Variants in TCF7 observed in about 807,000 individuals in gnomAD.
TCF7 encodes the protein transcription factor 7, also known as T-cell-factor-7.
A neutral mutation model predicts 46.8 loss-of-function variants in TCF7; 19 were observed. The observed-to-expected ratio is 0.41, with a 90% CI of 0.28 to 0.60. TCF7 has a LOEUF of 0.60. TCF7 is among the 20% of genes least tolerant of loss of function. The pLI is 0.35. For synonymous variants in TCF7, 245 were observed against 213.4 expected, an observed-to-expected ratio of 1.15 and a Z score of -1.29; for missense variants, 547 against 504.6, an observed-to-expected ratio of 1.08 and a Z score of -0.81.
chr5:134,142,013 T>C (rs1580890516), intron 5 of TCF7, 172 bp from the exon 6 acceptor site: 2 of 841,178 alleles, frequency 2.4e-6, no homozygotes, highest in East Asian at 2.7e-5. Context: ...TGTAGTGTGC[T>C]GGGAGCAGGT....
the TCF7 span, among the ~76,000 whole-genome samples, chr5:134,109,324 A>C: frequency 6.6e-6 from 1 of 152,056 alleles, no homozygotes; most frequent in Non-Finnish European, 1.5e-5. Context: ...GCCACATAGG[A>C]TTTAGTGCAG....
chr5:134,139,207 G>A, intron 5 of TCF7, 169 bp downstream of exon 5: 1 of 1,044,692 alleles, frequency 9.6e-7, no homozygotes, highest in Non-Finnish European at 1.3e-6. Context: ...TGAGCTAGGG[G>A]TCCTCATGTA....
upstream of TCF7, among the ~76,000 whole-genome samples, chr5:134,112,342 C>A (rs531496912): frequency 6.6e-6 from 1 of 152,346 alleles, no homozygotes; most frequent in African/African-American, 2.4e-5. Context: ...AAGGCAGACA[C>A]CTCTAGCCCT....
intron 2 of TCF7, 39 bp from the exon 3 acceptor site, chr5:134,115,870 C>T: frequency 6.2e-7 from 1 of 1,612,940 alleles, no homozygotes; most frequent in Non-Finnish European, 8.5e-7. Context: ...CCAGCCGCTG[C>T]CAGGGCTGGT....
At chr5:134,143,171 C>A in intron 8 of TCF7, 71 bp downstream of exon 8, 1 of 1,475,488 alleles carries the variant, frequency 6.8e-7, no homozygotes, top group South Asian at 1.2e-5. Flanking sequence ...AGGCCACAAT[C>A]TCAGTAAGGA....
chr5:134,130,285 G>C (rs1469618923), intron 3 of TCF7, among the ~76,000 whole-genome samples: 1 of 152,244 alleles, frequency 6.6e-6, no homozygotes, highest in Non-Finnish European at 1.5e-5. Context: ...CTGAGGGCTT[G>C]AGGGGCATCC....
chr5:134,115,724 G>C, intron 2 of TCF7, 185 bp from the exon 3 acceptor site: 1 of 1,435,446 alleles, frequency 7.0e-7, no homozygotes, highest in Non-Finnish European at 9.1e-7. Context: ...GGGCCACCTC[G>C]GGGAGGCCTG....
At chr5:134,115,241 C>T (rs1313825448) in intron 1 of TCF7, 80 bp from the exon 2 acceptor site, 3 of 1,375,114 alleles carry the variant, frequency 2.2e-6, no homozygotes, top group Non-Finnish European at 1.9e-6. Context: ...GTCTCCAGCG[C>T]GCAGAGCGTC....
At chr5:134,116,191 A>G in intron 3 of TCF7, 158 bp downstream of exon 3, 1 of 1,404,420 alleles carries the variant, frequency 7.1e-7, no homozygotes, top group Non-Finnish European at 9.2e-7. Flanking sequence ...AACCAAAAGG[A>G]GAACTTTGCT....
chr5:134,133,860 C>T (rs1475655102), intron 3 of TCF7, among the ~76,000 whole-genome samples: 3 of 152,226 alleles, frequency 2.0e-5, no homozygotes, highest in Non-Finnish European at 4.4e-5. Context: ...GCCTGCCAGG[C>T]AACACCCCGC....
chr5:134,135,390 A>G (rs1258894942), intron 3 of TCF7, among the ~76,000 whole-genome samples: 1 of 152,184 alleles, frequency 6.6e-6, no homozygotes, highest in African/African-American at 2.4e-5. Flanking sequence ...GGAGAGAAGC[A>G]TGGGTCTAAG....
chr5:134,128,711 G>C (rs1757690834), intron 3 of TCF7, among the ~76,000 whole-genome samples: 1 of 151,836 alleles, frequency 6.6e-6, no homozygotes, highest in Non-Finnish European at 1.5e-5. Flanking sequence ...GCCTTTCTGG[G>C]CCTTGCCTGG....
intron 3 of TCF7, among the ~76,000 whole-genome samples, chr5:134,119,401 A>C (rs1756272987): frequency 6.6e-6 from 1 of 152,226 alleles, no homozygotes; most frequent in African/African-American, 2.4e-5. Flanking sequence ...AGGTTCTGGA[A>C]TTAGATCGTG....
Position 134,143,356 on chromosome 5 carries a change from G to A in TCF7, c.1027-236G>A, listed in dbSNP as rs533289952. The A allele has an allele frequency of 2.5e-4, 192 of 779,678 alleles. 4 individuals are homozygous for A. The highest frequency in any genetic ancestry group is 2.4e-3 in the South Asian group (178 of 73,798). The allele number at this position is 779,678 out of a possible 1,614,324, so 48.3% of individuals were successfully genotyped here. A position where few individuals can be genotyped will look rare whatever the true frequency, so the allele number is the denominator to read the frequency against. ...GCCACATGGGCAGAAGGGGAGAAAG[G>A]GGTCTGGAAGTCACCTCCTTCCATT... On this transcript the variant is annotated intron_variant, in intron 8 of 9. Coordinates refer to ENST00000342854, the MANE Select transcript of TCF7 (RefSeq NM_003202.5).
intron 2 of TCF7, chr5:134,115,697 G>T: frequency 1.4e-6 from 2 of 1,430,232 alleles, no homozygotes; most frequent in South Asian, 1.5e-5. Context: ...GAGGGCGGGG[G>T]GTGGGAGGTC....
intron 3 of TCF7, among the ~76,000 whole-genome samples, chr5:134,122,380 G>T (rs1756718119): frequency 6.6e-6 from 1 of 151,720 alleles, no homozygotes; most frequent in Admixed American, 6.6e-5. Flanking sequence ...CTTCCCCCCA[G>T]GCTCTACCAG....
chr5:134,145,323 G>T (rs778148145), intron 9 of TCF7: 8 of 539,932 alleles, frequency 1.5e-5, no homozygotes, highest in Non-Finnish European at 2.6e-5. Flanking sequence ...CAACAACACA[G>T]AACCATCTGG....
intron 9 of TCF7, chr5:134,145,068 A>G: frequency 1.6e-6 from 1 of 642,346 alleles, no homozygotes; most frequent in Non-Finnish European, 2.8e-6. Context: ...GTCTAAGTGC[A>G]GGAGGATTGG....
At chr5:134,123,897 G>A (rs1442846336) in intron 3 of TCF7, 1 of 449,934 alleles carries the variant, frequency 2.2e-6, no homozygotes, top group East Asian at 7.0e-5. Context: ...CAAGGGAGAG[G>A]TAGGCTTTGG....
Sources: gnomAD v4.1 joint callset for allele counts (sites outside exome capture counted in the v4.1 genomes callset) on GRCh38, gnomAD v4.1.1 for gene constraint, MANE v1.5 for transcripts, NCBI Gene and HGNC (gene_info 2026-07-23, HGNC 2026-07-21) for gene names.